Variants in PRTFDC1 observed in about 807,000 individuals in gnomAD.
The protein encoded by PRTFDC1 is phosphoribosyl transferase domain containing 1.
In PRTFDC1, 38 loss-of-function variants were observed where a neutral mutation model predicts 34.6. That is an observed-to-expected ratio of 1.10 (90% CI 0.85 to 1.44). PRTFDC1 has a LOEUF of 1.44. PRTFDC1 is among the 40% of genes most tolerant of loss of function. PRTFDC1 has a pLI of 0.00. For missense variants in PRTFDC1, 270 were observed against 283.0 expected (o/e 0.95, Z 0.33); for synonymous variants, 93 against 98.1 (o/e 0.95, Z 0.31).
chr10:24,851,506 T>G (rs187629264), intron 7 of PRTFDC1, 42 bp from the exon 8 acceptor site: 3 of 1,584,622 alleles, frequency 1.9e-6, no homozygotes, highest in Non-Finnish European at 2.6e-6. Context: ...GGAACAAAAT[T>G]TAGATTATAT....
intron 3 of PRTFDC1, among the ~76,000 whole-genome samples, chr10:24,925,696 A>T (rs576951646): frequency 2.0e-5 from 3 of 152,230 alleles, no homozygotes; most frequent in Non-Finnish European, 2.9e-5. Context: ...TACTAATAAC[A>T]CATACACTTT....
intron 3 of PRTFDC1, among the ~76,000 whole-genome samples, chr10:24,872,687 G>GTGTA (rs1555045442): frequency 1.5e-4 from 22 of 143,848 alleles, no homozygotes; most frequent in African/African-American, 5.7e-4. Context: ...GTGTGTGTGT[G>GTGTA]TATATATATA....
chr10:24,854,410 G>C (rs1847539175), intron 7 of PRTFDC1, among the ~76,000 whole-genome samples: 1 of 152,190 alleles, frequency 6.6e-6, no homozygotes, highest in East Asian at 1.9e-4. Flanking sequence ...TCAGAATGTA[G>C]AGTCACTGGC....
chr10:24,917,971 A>G (rs1305290779), intron 3 of PRTFDC1, among the ~76,000 whole-genome samples: 1 of 152,086 alleles, frequency 6.6e-6, no homozygotes, highest in African/African-American at 2.4e-5. Context: ...TGTTTTTGGT[A>G]CTTTTTTGGT....
intron 6 of PRTFDC1, among the ~76,000 whole-genome samples, chr10:24,855,908 G>A (rs1306575017): frequency 2.0e-5 from 3 of 152,040 alleles, no homozygotes; most frequent in Admixed American, 2.0e-4. Context: ...GAGCTCATAA[G>A]TTTGAGACCA....
rs76748881 is a variant in PRTFDC1 at position 24,857,278 on chromosome 10, A to C, written c.424-283T>G. ...GGACAGCATGTAGGACTCCTCGTTG[A>C]GTACACTTGGACTTGTGTCTGCACA... On this transcript the variant is annotated intron_variant, in intron 5 of 8. Coordinates refer to ENST00000320152, the MANE Select transcript of PRTFDC1 (RefSeq NM_020200.7). Among the ~76,000 whole-genome samples, 451 of 152,318 alleles carry C rather than the reference A, an allele frequency of 3.0e-3. 5 individuals are homozygous for C. Among genetic ancestry groups the C allele is most frequent in the African/African-American group, 0.01 (434 of 41,582 alleles).
intron 4 of PRTFDC1, among the ~76,000 whole-genome samples, chr10:24,868,376 G>A (rs1286468261): frequency 6.6e-6 from 1 of 152,138 alleles, no homozygotes; most frequent in Non-Finnish European, 1.5e-5. Context: ...TCTTCTTAGA[G>A]TGCCAAGCAT....
At chr10:24,941,060 G>A (rs201093472) in intron 2 of PRTFDC1, among the ~76,000 whole-genome samples, 24 of 148,590 alleles carry the variant, frequency 1.6e-4, no homozygotes, top group Non-Finnish European at 3.3e-4. Context: ...GTGTGTGTGT[G>A]TTTGTGTGTT....
chr10:24,890,669 T>C (rs1848244986), intron 3 of PRTFDC1, among the ~76,000 whole-genome samples: 1 of 152,190 alleles, frequency 6.6e-6, no homozygotes, highest in Admixed American at 6.5e-5. Context: ...CTGTTCCCTG[T>C]CTGGCTCCTT....
chr10:24,867,766 T>C (rs946763720), intron 4 of PRTFDC1: 1 of 151,988 alleles, frequency 6.6e-6, no homozygotes, highest in African/African-American at 2.4e-5. Context: ...TAGGTTGCGG[T>C]ATTGTATTAA....
chr10:24,928,108 G>T (rs962320786), intron 3 of PRTFDC1, among the ~76,000 whole-genome samples: 1 of 152,036 alleles, frequency 6.6e-6, no homozygotes, highest in Non-Finnish European at 1.5e-5. Flanking sequence ...TTCTTTCATA[G>T]TGGTACATAA....
intron 3 of PRTFDC1, among the ~76,000 whole-genome samples, chr10:24,873,757 T>C (rs958031006): frequency 3.4e-5 from 5 of 147,300 alleles, no homozygotes; most frequent in African/African-American, 1.1e-4. Context: ...TGTCTCTATC[T>C]AGAAGTACAG....
chr10:24,855,876 A>G (rs1356987724), intron 6 of PRTFDC1, among the ~76,000 whole-genome samples: 2 of 152,076 alleles, frequency 1.3e-5, no homozygotes, highest in Admixed American at 1.3e-4. Context: ...TAATTCCAGC[A>G]CTTTGGGAGG....
intron 3 of PRTFDC1, among the ~76,000 whole-genome samples, chr10:24,897,825 T>G (rs947398332): frequency 2.6e-5 from 4 of 152,238 alleles, no homozygotes; most frequent in African/African-American, 9.6e-5. Context: ...CAGGGAAATT[T>G]GATCATAAGG....
chr10:24,945,540 G>C (rs530223598), intron 1 of PRTFDC1, among the ~76,000 whole-genome samples: 4 of 152,146 alleles, frequency 2.6e-5, no homozygotes, highest in Non-Finnish European at 1.5e-5. Context: ...CTGCAGCCTC[G>C]AACTTTTAGG....
chr10:24,857,840 T>C (rs1205190267), intron 5 of PRTFDC1, among the ~76,000 whole-genome samples: 1 of 152,134 alleles, frequency 6.6e-6, no homozygotes, highest in African/African-American at 2.4e-5. Flanking sequence ...ACTACTGCCA[T>C]AGGGATCCCA....
intron 3 of PRTFDC1, among the ~76,000 whole-genome samples, chr10:24,911,777 G>T (rs1848630522): frequency 6.6e-6 from 1 of 152,064 alleles, no homozygotes; most frequent in Non-Finnish European, 1.5e-5. Context: ...TGAGGCAGGA[G>T]AATCACTTGA....
chr10:24,938,368 C>G (rs1449971279), intron 2 of PRTFDC1, among the ~76,000 whole-genome samples: 1 of 152,172 alleles, frequency 6.6e-6, no homozygotes, highest in African/African-American at 2.4e-5. Context: ...CAAAGGCATA[C>G]AACAAACTGA....
At chr10:24,887,476 C>G (rs1365375518) in intron 3 of PRTFDC1, among the ~76,000 whole-genome samples, 1 of 150,484 alleles carries the variant, frequency 6.6e-6, no homozygotes, top group Non-Finnish European at 1.5e-5. Flanking sequence ...CCCCCTCTCC[C>G]TTCGCTCTGC....
Sources: allele counts gnomAD v4.1 joint callset (sites outside exome capture counted in the v4.1 genomes callset), GRCh38; gene constraint gnomAD v4.1.1; transcripts MANE v1.5; gene names NCBI Gene and HGNC (gene_info 2026-07-23, HGNC 2026-07-21).